Variants in MAP3K4 observed in about 807,000 individuals in gnomAD.
MAP3K4 encodes mitogen-activated protein kinase kinase kinase 4.
Under a neutral mutation model 185.6 loss-of-function variants are expected in MAP3K4, and 67 were observed. The observed-to-expected ratio is 0.36, with a 90% CI of 0.30 to 0.44. MAP3K4 has a LOEUF of 0.44. MAP3K4 is among the 20% of genes least tolerant of loss of function. MAP3K4 has a pLI of 1.00. For synonymous variants in MAP3K4, 702 were observed against 710.4 expected (o/e 0.99, Z 0.19); for missense variants, 1,551 against 1,995.1 (o/e 0.78, Z 4.24).
intron 3 of MAP3K4, among the ~76,000 whole-genome samples, chr6:161,066,575 T>C (rs2114804724): frequency 6.6e-6 from 1 of 152,276 alleles, no homozygotes. Flanking sequence ...CGTATTAGAG[T>C]ATTTTTATTG....
Position 161,109,104 on chromosome 6 carries a change from C to T in MAP3K4, c.4236+245C>T, listed in dbSNP as rs551153649. The stretch of plus-strand genomic sequence containing the variant: ...AAGCACTGAAACCCATCCTGCCATT[C>T]AGAAGATTCTTCTAAAACGCCCCTT... On this transcript the variant is annotated intron_variant, in intron 22 of 26. Transcript: ENST00000392142. This position sits in a 1 kb window ranked among gnomAD's most constrained non-coding sequence, Gnocchi z 5.7. 1.3e-4 allele frequency: 160 copies of T among 1,191,890 alleles called. 1 individual carries two copies. In the South Asian group the frequency reaches 2.0e-3, roughly 15 times the overall value. 73.8% of individuals were successfully genotyped at this position (1,191,890 alleles called of 1,614,324 possible).
Position 161,021,198 on chromosome 6 carries a change from G to A in MAP3K4, c.153-13061G>A, listed in dbSNP as rs1221715405. 2.0e-5 allele frequency among the ~76,000 whole-genome samples: 3 copies of A among 152,158 alleles called. No individual in the cohort carries two copies. In the East Asian group the frequency reaches 5.8e-4, roughly 29 times the overall value. On this transcript the variant is annotated intron_variant, in intron 1 of 26. Coordinates refer to ENST00000392142, the MANE Select transcript of MAP3K4 (RefSeq NM_005922.4). ...TGTAAGGTTTTTATAATTCCAAAAG[G>A]CATTGTTCCTCTCAAGTGAACAATT...
intron 1 of MAP3K4, among the ~76,000 whole-genome samples, chr6:161,005,194 G>A (rs1048066207): frequency 2.7e-4 from 40 of 150,428 alleles, no homozygotes; most frequent in African/African-American, 8.3e-4. Flanking sequence ...GCTGGGGTGC[G>A]GTGGTACCAT....
intron 1 of MAP3K4, among the ~76,000 whole-genome samples, chr6:161,015,124 A>T (rs1051947893): frequency 6.6e-6 from 1 of 152,164 alleles, no homozygotes; most frequent in Non-Finnish European, 1.5e-5. Flanking sequence ...ATTCTCTTTA[A>T]TGTGTATCTT....
intron 19 of MAP3K4, among the ~76,000 whole-genome samples, chr6:161,104,728 A>C (rs1777990302): frequency 7.3e-6 from 1 of 136,690 alleles, no homozygotes; most frequent in South Asian, 2.4e-4. Flanking sequence ...AAAAAAAAGG[A>C]ATCTTGAGAA....
chr6:161,099,298 C>G (rs947768301), intron 17 of MAP3K4, among the ~76,000 whole-genome samples: 1 of 152,180 alleles, frequency 6.6e-6, no homozygotes, highest in African/African-American at 2.4e-5. Context: ...TGATGCCTGG[C>G]TTTAGATTTT....
At chr6:161,000,820 T>C (rs957641608) in intron 1 of MAP3K4, among the ~76,000 whole-genome samples, 2 of 136,204 alleles carry the variant, frequency 1.5e-5, no homozygotes, top group East Asian at 1.9e-4. Flanking sequence ...TATACACACA[T>C]GTGTATGCAC....
intron 1 of MAP3K4, among the ~76,000 whole-genome samples, chr6:160,999,029 G>A (rs567173499): frequency 1.3e-5 from 2 of 152,320 alleles, no homozygotes; most frequent in African/African-American, 4.8e-5. Context: ...TTATAAATTA[G>A]CAGGGAAAGC....
At chr6:161,059,085 T>C (rs1249856900) in intron 3 of MAP3K4, among the ~76,000 whole-genome samples, 2 of 152,126 alleles carry the variant, frequency 1.3e-5, no homozygotes, top group African/African-American at 2.4e-5. Flanking sequence ...AGAAATTTGA[T>C]TTTTCCTCAT....
chr6:161,015,903 C>G (rs1405359934), intron 1 of MAP3K4, among the ~76,000 whole-genome samples: 1 of 152,108 alleles, frequency 6.6e-6, no homozygotes, highest in Admixed American at 6.6e-5. Flanking sequence ...CGCCAGATAC[C>G]CAAACTATAG....
intron 3 of MAP3K4, among the ~76,000 whole-genome samples, chr6:161,058,253 T>TG (rs1391502018): frequency 7.9e-5 from 12 of 152,232 alleles, no homozygotes; most frequent in Non-Finnish European, 1.5e-4. Flanking sequence ...TATTTTTAAA[T>TG]GGGAAAATCC....
chr6:161,091,488 T>G lies in MAP3K4; in HGVS notation c.3083T>G (p.Leu1028Trp). 2 of 1,614,120 alleles carry G rather than the reference T, an allele frequency of 1.2e-6. No homozygotes were observed. The highest frequency in any genetic ancestry group is 1.7e-6 in the Non-Finnish European group (2 of 1,180,010). ...GTTGATGAATCTGAATCTGTCACCT[T>G]GCAACAGTACTACCGAGAAGCAATG... The part of the protein sequence containing the change: ...AEVDESESVT[L>W]QQYYREAMIQ... Residue 1028 changes from leucine to tryptophan, a missense_variant, in exon 12 of 27, where the codon TTG (leucine) becomes TGG (tryptophan). Transcript: ENST00000392142. This position sits in a 1 kb window ranked among gnomAD's most constrained non-coding sequence, Gnocchi z 5.5.
chr6:161,065,843 CAGG>C (rs1419281656), intron 3 of MAP3K4, among the ~76,000 whole-genome samples: 1 of 142,486 alleles, frequency 7.0e-6, no homozygotes, highest in Non-Finnish European at 1.5e-5. Flanking sequence ...GAGGCTGAGG[CAGG>C]AGAATGGCGT....
chr6:161,006,685 A>G (rs1195672881), intron 1 of MAP3K4, among the ~76,000 whole-genome samples: 3 of 152,226 alleles, frequency 2.0e-5, no homozygotes, highest in Non-Finnish European at 2.9e-5. Context: ...TGAGAATATC[A>G]TCTAAAGGTA....
At chr6:161,085,253 T>TA (rs372310049) in intron 7 of MAP3K4, among the ~76,000 whole-genome samples, 1 of 152,218 alleles carries the variant, frequency 6.6e-6, no homozygotes, top group African/African-American at 2.4e-5. Flanking sequence ...TTTCTGTTCT[T>TA]AAAAAATCTG....
At chr6:161,029,092 G>A (rs1222274195) in intron 1 of MAP3K4, among the ~76,000 whole-genome samples, 1 of 152,158 alleles carries the variant, frequency 6.6e-6, no homozygotes, top group African/African-American at 2.4e-5. Flanking sequence ...TCCCCCAATA[G>A]CAGAAATCTC....
chr6:160,996,569 T>C lies in MAP3K4; in HGVS notation c.152+4486T>C, dbSNP rs1781005107. Among the ~76,000 whole-genome samples, 1 of 152,258 alleles carries C rather than the reference T, an allele frequency of 6.6e-6. No individual in the cohort carries two copies. Among genetic ancestry groups the C allele is most frequent in the African/African-American group, 2.4e-5 (1 of 41,460 alleles). On this transcript the variant is annotated intron_variant, in intron 1 of 26. Transcript: ENST00000392142. This position sits in a 1 kb window ranked among gnomAD's most constrained non-coding sequence, Gnocchi z 4.5. ...AGCCTTGTCATTTGACCAGGTAGTA[T>C]GTATGCTGTTTGAAGACTCTTTAAC...
intron 6 of MAP3K4, among the ~76,000 whole-genome samples, chr6:161,083,838 G>A (rs1021620499): frequency 2.0e-5 from 3 of 152,078 alleles, no homozygotes; most frequent in Admixed American, 6.5e-5. Flanking sequence ...CTGTGCCTTC[G>A]GGGTTGGTCT....
rs754121493 is a variant in MAP3K4, at chr6:161,034,489, A to G, written c.343+40A>G. The G allele has an allele frequency of 9.7e-6, 14 of 1,436,542 alleles. No homozygotes were observed. The highest frequency in any genetic ancestry group is 6.7e-6 in the Non-Finnish European group (7 of 1,048,068). The allele number at this position is 1,436,542 out of a possible 1,614,324, so 89.0% of individuals were successfully genotyped here. A position where few individuals can be genotyped will look rare whatever the true frequency, so the allele number is the denominator to read the frequency against. Reference sequence around the variant, plus strand: ...TGAAAAGAGGTGTACATGAGAGGGTATGGCACTTGATTGATTCTTTCAACA... The same window carrying G: ...TGAAAAGAGGTGTACATGAGAGGGTGTGGCACTTGATTGATTCTTTCAACA... On this transcript the variant is annotated intron_variant, in intron 2 of 26. Coordinates refer to ENST00000392142, the MANE Select transcript of MAP3K4 (RefSeq NM_005922.4). This position sits in a 1 kb window ranked among gnomAD's most constrained non-coding sequence, Gnocchi z 4.4.
Sources: allele counts gnomAD v4.1 joint callset (sites outside exome capture counted in the v4.1 genomes callset), GRCh38; gene constraint gnomAD v4.1.1; non-coding constraint Gnocchi (gnomAD v3.1); transcripts MANE v1.5; gene names NCBI Gene and HGNC (gene_info 2026-07-23, HGNC 2026-07-21).